The following SCN8A variants were observed in gnomAD, a reference collection of about 807,000 sequenced individuals.
The protein encoded by SCN8A is sodium channel protein type 8 subunit alpha.
A neutral mutation model predicts 184.1 loss-of-function variants in SCN8A; 30 were observed. The observed-to-expected ratio is 0.16, with a 90% confidence interval of 0.12 to 0.22. SCN8A has a LOEUF of 0.22. SCN8A is among the 10% of genes least tolerant of loss of function. The pLI is 1.00. For missense variants in SCN8A, 1,057 were observed against 2,498.9 expected (o/e 0.42, Z 12.30); for synonymous variants, 852 against 907.0 (o/e 0.94, Z 1.09).
intron 1 of SCN8A, among the ~76,000 whole-genome samples, chr12:51,632,295 G>T (rs542090961): frequency 6.6e-6 from 1 of 152,264 alleles, no homozygotes; most frequent in African/African-American, 2.4e-5. Context: ...TGATTTTTCT[G>T]CTAAGTGGGG....
Position 51,699,604 on chromosome 12 carries a change from T to C in SCN8A, c.741T>C (p.Ser247=). Residue 247 remains serine (S), a synonymous_variant, in exon 7 of 27, where the codon TCT becomes TCC. Transcript: ENST00000627620. The part of the protein sequence containing the change: ...LKTIVGALIQ[S]VKKLSDVMIL... ...CAATTGTGGGTGCCCTGATTCAGTC[T>C]GTGAAGAAACTGTCAGATGTGATGA... The C allele has an allele frequency of 6.2e-7, 1 of 1,614,042 alleles. No homozygotes were observed.
chr12:51,729,239 G>A lies in SCN8A; in HGVS notation c.1998+7331G>A, dbSNP rs73297685. Among the ~76,000 whole-genome samples the A allele has an allele frequency of 4.1e-3, 622 of 152,294 alleles. 3 individuals are homozygous for A. Among genetic ancestry groups the A allele is most frequent in the African/African-American group, 0.014 (591 of 41,572 alleles). Reference sequence around the variant, plus strand: ...AGTTAACCAAAGTTGTGGGTAAAAAGGAGGTGGAGAAGGAGTTATCTGAGC... The same window carrying A: ...AGTTAACCAAAGTTGTGGGTAAAAAAGAGGTGGAGAAGGAGTTATCTGAGC... On this transcript the variant is annotated intron_variant, in intron 12 of 26. Transcript: ENST00000627620.
intron 11 of SCN8A, among the ~76,000 whole-genome samples, chr12:51,709,523 C>G (rs1277114491): frequency 6.6e-6 from 1 of 152,164 alleles, no homozygotes; most frequent in Non-Finnish European, 1.5e-5. Context: ...TGAAATTTAA[C>G]AGAGATGCTT....
At chr12:51,770,793 T>C in intron 19 of SCN8A, 110 bp downstream of exon 19, 1 of 1,150,100 alleles carries the variant, frequency 8.7e-7, no homozygotes, top group Admixed American at 2.1e-5. Flanking sequence ...AGATTGGCTG[T>C]GGTCCCAAGA....
At chr12:51,652,952 G>C (rs1442106138) in intron 1 of SCN8A, among the ~76,000 whole-genome samples, 1 of 152,156 alleles carries the variant, frequency 6.6e-6, no homozygotes, top group African/African-American at 2.4e-5. Context: ...GGGGGGCATA[G>C]TAAATTTTTT....
intron 20 of SCN8A, among the ~76,000 whole-genome samples, chr12:51,778,867 T>C (rs1185697704): frequency 6.6e-6 from 1 of 152,120 alleles, no homozygotes; most frequent in African/African-American, 2.4e-5. Context: ...GTAGGAAGAA[T>C]TTAAGAGCTG....
intron 22 of SCN8A, among the ~76,000 whole-genome samples, chr12:51,787,892 A>G (rs1287318462): frequency 6.6e-6 from 1 of 152,224 alleles, no homozygotes; most frequent in East Asian, 1.9e-4. Flanking sequence ...CCACAAATTG[A>G]ATCCGCATTG....
At chr12:51,600,900 T>C (rs903025361) in intron 1 of SCN8A, among the ~76,000 whole-genome samples, 1 of 152,216 alleles carries the variant, frequency 6.6e-6, no homozygotes, top group Non-Finnish European at 1.5e-5. Context: ...CAGTTTGCAC[T>C]CAGACATTTG....
chr12:51,708,098 C>T (rs1941814555), intron 11 of SCN8A, among the ~76,000 whole-genome samples: 2 of 152,178 alleles, frequency 1.3e-5, no homozygotes, highest in Admixed American at 6.5e-5. Flanking sequence ...TCTTCATGTT[C>T]TAAAACATCA....
At chr12:51,733,028 G>A (rs571947523) in intron 12 of SCN8A, among the ~76,000 whole-genome samples, 5 of 152,022 alleles carry the variant, frequency 3.3e-5, no homozygotes, top group East Asian at 1.9e-4. Flanking sequence ...CTTCCTTTCC[G>A]ATTTGTGTGC....
chr12:51,645,590 T>A (rs1219108649), intron 1 of SCN8A, among the ~76,000 whole-genome samples: 1 of 152,086 alleles, frequency 6.6e-6, no homozygotes, highest in Non-Finnish European at 1.5e-5. Flanking sequence ...CATGGGAGAC[T>A]TTTCATTTTG....
chr12:51,723,662 G>T (rs928613294), intron 12 of SCN8A, among the ~76,000 whole-genome samples: 2 of 152,110 alleles, frequency 1.3e-5, no homozygotes, highest in African/African-American at 4.8e-5. Context: ...GATTGCTTGA[G>T]GCCAGGAGTT....
rs145294686 is a variant in SCN8A at position 51,613,275 on chromosome 12, A to G, written c.-55+21916A>G. Among the ~76,000 whole-genome samples, 1,132 of 152,338 alleles carry G rather than the reference A, an allele frequency of 7.4e-3. 11 individuals carry two copies. Among genetic ancestry groups the G allele is most frequent in the Non-Finnish European group, 9.9e-3 (674 of 68,038 alleles). On this transcript the variant is annotated intron_variant, in intron 1 of 26. Transcript: ENST00000627620. ...GTGTGAAGGTTTTAAACTATAGGTT[A>G]GATTTCTCTAATAGATATAGAACAA...
At chr12:51,631,504 C>G (rs540718165) in intron 1 of SCN8A, among the ~76,000 whole-genome samples, 1 of 152,374 alleles carries the variant, frequency 6.6e-6, no homozygotes, top group Admixed American at 6.5e-5. Flanking sequence ...CGTACTTCAA[C>G]TGGCACTGTA....
rs912117692 is a variant in SCN8A at position 51,690,874 on chromosome 12, T to C, written c.706+1778T>C. 2.6e-5 allele frequency among the ~76,000 whole-genome samples: 4 copies of C among 152,188 alleles called. No individual in the cohort carries two copies. In the South Asian group the frequency reaches 8.3e-4, roughly 32 times the overall value. Reference sequence around the variant, plus strand: ...AGATGAATTCCTATATTTTTAGCGATGGTAGCTGACTCCCTATCAACCAAA... The same window carrying C: ...AGATGAATTCCTATATTTTTAGCGACGGTAGCTGACTCCCTATCAACCAAA... On this transcript the variant is annotated intron_variant, in intron 6 of 26. Transcript: ENST00000627620.
At chr12:51,633,492 A>T (rs572037623) in intron 1 of SCN8A, among the ~76,000 whole-genome samples, 1 of 152,340 alleles carries the variant, frequency 6.6e-6, no homozygotes, top group African/African-American at 2.4e-5. Context: ...TTCACCAGTT[A>T]TGCTTTGTGA....
intron 1 of SCN8A, among the ~76,000 whole-genome samples, chr12:51,607,837 TG>T (rs1315209363): frequency 6.6e-6 from 1 of 152,178 alleles, no homozygotes; most frequent in African/African-American, 2.4e-5. Context: ...GCTAATATTT[TG>T]TGAAGGATTT....
rs764584884 is a variant in SCN8A, at chr12:51,701,215, G to A, written c.992+8G>A. The A allele has an allele frequency of 1.9e-6, 3 of 1,581,426 alleles. No individual in the cohort carries two copies. The highest frequency in any genetic ancestry group is 2.6e-6 in the Non-Finnish European group (3 of 1,160,980). ...GAACAGTTCTGATGCTGGGTAAGTAGCTCACCTAGTTTTATTCTCTTTCCT... is the reference window on the plus strand; with the variant it reads ...GAACAGTTCTGATGCTGGGTAAGTAACTCACCTAGTTTTATTCTCTTTCCT... On this transcript the variant is annotated splice_region_variant and intron_variant, in intron 8 of 26. Coordinates refer to ENST00000627620, the MANE Select transcript of SCN8A (RefSeq NM_001330260.2).
intron 25 of SCN8A, among the ~76,000 whole-genome samples, chr12:51,792,366 C>T (rs1181791873): frequency 6.6e-6 from 1 of 150,830 alleles, no homozygotes; most frequent in Non-Finnish European, 1.5e-5. Flanking sequence ...CCTGTAGTCC[C>T]AGCTACTGAG....
Sources: allele counts gnomAD v4.1 joint callset (sites outside exome capture counted in the v4.1 genomes callset), GRCh38; gene constraint gnomAD v4.1.1; transcripts MANE v1.5; gene names NCBI Gene and HGNC (gene_info 2026-07-23, HGNC 2026-07-21).